The following SSH1 variants were observed in gnomAD, a reference collection of about 807,000 sequenced individuals.
The protein encoded by SSH1 is protein phosphatase Slingshot homolog 1.
In SSH1, 43 loss-of-function variants were observed where a neutral mutation model predicts 79.7. That is an observed-to-expected ratio of 0.54 (90% CI 0.42 to 0.70). The LOEUF (loss-of-function observed/expected upper bound fraction) is 0.70. Ranked by LOEUF, SSH1 falls within the 30% of genes least tolerant of loss-of-function variation. The pLI is 0.00. For synonymous variants in SSH1, 599 were observed against 538.3 expected (o/e 1.11, Z -1.56); for missense variants, 1,206 against 1,358.8 (o/e 0.89, Z 1.77).
rs912779180 is a variant in SSH1 at position 108,779,703 on chromosome 12, C to T, written c.*8285G>A. The T allele has an allele frequency of 1.3e-5, 2 of 151,916 alleles. No individual in the cohort carries two copies. The highest frequency in any genetic ancestry group is 4.8e-5 in the African/African-American group (2 of 41,344). The allele number at this position is 151,916 out of a possible 1,614,324, so 9.4% of individuals were successfully genotyped here. A position where few individuals can be genotyped will look rare whatever the true frequency, so the allele number is the denominator to read the frequency against. ...TTTTTTTTGTTTTTTGAGACAGAGT[C>T]TCACTCTGTCACCCAGGCTGGAGTG... On this transcript the variant is annotated 3_prime_UTR_variant, in exon 15 of 15. Coordinates refer to ENST00000326495, the MANE Select transcript of SSH1 (RefSeq NM_018984.4).
intron 13 of SSH1, among the ~76,000 whole-genome samples, chr12:108,794,682 C>T (rs891114817): frequency 6.6e-6 from 1 of 152,158 alleles, no homozygotes; most frequent in African/African-American, 2.4e-5. Context: ...GTGGGTCACG[C>T]AAATCTGCCT....
rs34383501 is a variant in SSH1, at chr12:108,790,153, G to GTT, written c.1894-911_1894-910dup. ...CTTAAAGGCCCCGCCATGGCTTCCA[G>GTT]TTTTTTTTTTTTTTTAAATGAAGTT... On this transcript the variant is annotated intron_variant, in intron 14 of 14. Transcript: ENST00000326495. Among the ~76,000 whole-genome samples the GTT allele has an allele frequency of 7.5e-4, 107 of 143,536 alleles. 1 individual carries two copies. Among genetic ancestry groups the GTT allele is most frequent in the Middle Eastern group, 3.6e-3 (1 of 278 alleles). 94.2% of individuals were successfully genotyped at this position (143,536 alleles called of 152,430 possible). A position where few individuals can be genotyped will look rare whatever the true frequency, so the allele number is the denominator to read the frequency against.
intron 12 of SSH1, among the ~76,000 whole-genome samples, chr12:108,800,394 C>T (rs2036939560): frequency 6.6e-6 from 1 of 152,120 alleles, no homozygotes; most frequent in Non-Finnish European, 1.5e-5. Flanking sequence ...CATGTCATCC[C>T]CTAGCCCTCT....
At chr12:108,823,231 G>GT (rs34849596) in intron 3 of SSH1, 27 bp downstream of exon 3, 421,557 of 1,545,936 alleles carry the variant, frequency 0.27, 61,492 homozygotes, top group South Asian at 0.42. Context: ...AAGCTCCAAT[G>GT]TAAGAGTATC....
At chr12:108,852,966 G>C in intron 1 of SSH1, 1 of 985,376 alleles carries the variant, frequency 1.0e-6, no homozygotes, top group South Asian at 4.7e-5. Context: ...TACCCAGCAC[G>C]GTCTTTTAGC....
rs2036120828 is a variant in SSH1 at position 108,778,764 on chromosome 12, CA to C, written c.*9223del. The C allele has an allele frequency of 6.5e-6, 1 of 153,494 alleles. No homozygotes were observed. The highest frequency in any genetic ancestry group is 2.4e-5 in the African/African-American group (1 of 41,478). The allele number at this position is 153,494 out of a possible 1,614,324, so 9.5% of individuals were successfully genotyped here. A position where few individuals can be genotyped will look rare whatever the true frequency, so the allele number is the denominator to read the frequency against. On this transcript the variant is annotated 3_prime_UTR_variant, in exon 15 of 15. Coordinates refer to ENST00000326495, the MANE Select transcript of SSH1 (RefSeq NM_018984.4). ...CTACCACCACCACCACCACCACCAC[CA>C]CAATGTACCATTTGTGGGATAATTT...
Position 108,811,323 on chromosome 12 carries a change from CT to C in SSH1, c.406del (p.Ser136AlafsTer26). ...TCGGAGAACCATCCCAATGGTGCAG[CT>C]TTTACTGCGATGGGGGAGAGAAGAC... Reference protein sequence around the residue: ...GVDFSSKESKSCTIGMVLRLW... With the variant: ...GVDFSSKESKXCTIGMVLRLW... On this transcript the variant is annotated frameshift_variant, in exon 6 of 15. Transcript: ENST00000326495. LOFTEE classifies it high-confidence loss of function. The C allele has an allele frequency of 1.2e-6, 2 of 1,614,224 alleles. No individual in the cohort carries two copies. Among genetic ancestry groups the C allele is most frequent in the Non-Finnish European group, 1.7e-6 (2 of 1,180,036 alleles).
intron 2 of SSH1, among the ~76,000 whole-genome samples, chr12:108,847,541 G>A (rs538118027): frequency 4.6e-4 from 70 of 152,128 alleles, no homozygotes; most frequent in Non-Finnish European, 7.9e-4. Flanking sequence ...TCGGCTCACT[G>A]CAACCTCCCG....
At chr12:108,791,359 C>T (rs184485045) in intron 14 of SSH1, among the ~76,000 whole-genome samples, 1 of 152,312 alleles carries the variant, frequency 6.6e-6, no homozygotes, top group African/African-American at 2.4e-5. Context: ...CTGCCTGCCT[C>T]GGCTTCCCAA....
chr12:108,810,786 C>T (rs936605368), intron 6 of SSH1, among the ~76,000 whole-genome samples: 7 of 152,324 alleles, frequency 4.6e-5, no homozygotes, highest in Middle Eastern at 3.4e-3. Flanking sequence ...ACTGCCTGCC[C>T]GGGTGGAACT....
At chr12:108,803,745 G>C (rs886759178) in intron 10 of SSH1, among the ~76,000 whole-genome samples, 1 of 152,062 alleles carries the variant, frequency 6.6e-6, no homozygotes, top group Non-Finnish European at 1.5e-5. Context: ...TTCTCACCAG[G>C]GAAATCAACA....
At chr12:108,809,016 T>C (rs1464204058) in intron 7 of SSH1, among the ~76,000 whole-genome samples, 1 of 151,818 alleles carries the variant, frequency 6.6e-6, no homozygotes, top group Non-Finnish European at 1.5e-5. Context: ...GTATTTTTAG[T>C]ACAGACAGCA....
chr12:108,781,320 A>G lies in SSH1; in HGVS notation c.*6668T>C, dbSNP rs1254117837. 1 of 152,154 alleles carries G rather than the reference A, an allele frequency of 6.6e-6. No homozygotes were observed. The highest frequency in any genetic ancestry group is 1.5e-5 in the Non-Finnish European group (1 of 68,048). 9.4% of individuals were successfully genotyped at this position (152,154 alleles called of 1,614,324 possible). A position where few individuals can be genotyped will look rare whatever the true frequency, so the allele number is the denominator to read the frequency against. On this transcript the variant is annotated 3_prime_UTR_variant, in exon 15 of 15. Transcript: ENST00000326495. ...GTGGCTCTGGTCCCAGCTACTTGGG[A>G]GGCTGAGGCAGGATTGCTGGAGCCC...
At chr12:108,814,501 G>A (rs577171596) in intron 5 of SSH1, among the ~76,000 whole-genome samples, 16 of 152,130 alleles carry the variant, frequency 1.1e-4, no homozygotes, top group Middle Eastern at 3.4e-3. Flanking sequence ...CCTGGTGCCC[G>A]GGCAATGTGG....
chr12:108,787,245 A>C lies in SSH1; in HGVS notation c.*743T>G, dbSNP rs1369491930. On this transcript the variant is annotated 3_prime_UTR_variant, in exon 15 of 15. Transcript: ENST00000326495. ...TTCAGCATTAGCAACAACTGAGAACAACCCATACATTTTCCCCACCGGACC... is the reference window on the plus strand; with the variant it reads ...TTCAGCATTAGCAACAACTGAGAACCACCCATACATTTTCCCCACCGGACC... 1 of 152,184 alleles carries C rather than the reference A, an allele frequency of 6.6e-6. No homozygotes were observed. The highest frequency in any genetic ancestry group is 2.4e-5 in the African/African-American group (1 of 41,404). The allele number at this position is 152,184 out of a possible 1,614,324, so 9.4% of individuals were successfully genotyped here.
At chr12:108,797,623 G>A (rs1046847612) in intron 13 of SSH1, among the ~76,000 whole-genome samples, 24 of 152,240 alleles carry the variant, frequency 1.6e-4, no homozygotes, top group African/African-American at 5.8e-4. Context: ...AGGAAGAAGT[G>A]CCTGGATGTC....
intron 14 of SSH1, chr12:108,791,972 G>A: frequency 7.6e-7 from 1 of 1,315,364 alleles, no homozygotes; most frequent in Non-Finnish European, 9.7e-7. Flanking sequence ...AAAAGAAATT[G>A]AGTTGGAAGC....
intron 2 of SSH1, among the ~76,000 whole-genome samples, chr12:108,841,479 T>C (rs571759296): frequency 6.6e-6 from 1 of 152,332 alleles, no homozygotes; most frequent in East Asian, 1.9e-4. Flanking sequence ...TCTGTCCTCA[T>C]TTGTCCCCAT....
intron 5 of SSH1, 191 bp from the exon 6 acceptor site, chr12:108,811,519 A>C (rs948257287): frequency 7.7e-6 from 5 of 648,230 alleles, no homozygotes; most frequent in African/African-American, 1.8e-5. Flanking sequence ...ACAACTCCGT[A>C]AGTGCTCAGC....
Sources: gnomAD v4.1 joint callset for allele counts (sites outside exome capture counted in the v4.1 genomes callset) on GRCh38, gnomAD v4.1.1 for gene constraint, MANE v1.5 for transcripts, NCBI Gene and HGNC (gene_info 2026-07-23, HGNC 2026-07-21) for gene names.